Variants in ELAVL2 observed in about 807,000 individuals in gnomAD.
The protein encoded by ELAVL2 is ELAV-like protein 2.
Under a neutral mutation model 34.6 loss-of-function variants are expected in ELAVL2, and 4 were observed. That is an observed-to-expected ratio of 0.12 (90% CI 0.06 to 0.26). The LOEUF is 0.26. Among genes scored for constraint, ELAVL2 ranks in the 10% least tolerant of loss-of-function variants. The pLI is 1.00. For missense variants in ELAVL2, 432 were observed against 442.8 expected (o/e 0.98, Z 0.22); for synonymous variants, 193 against 154.8 (o/e 1.25, Z -1.83).
At chr9:23,808,571 G>T (rs1039575931) in intron 1 of ELAVL2, among the ~76,000 whole-genome samples, 1 of 152,128 alleles carries the variant, frequency 6.6e-6, no homozygotes, top group Non-Finnish European at 1.5e-5. Flanking sequence ...TGCCATTCAT[G>T]TCAGGAGGCC....
chr9:23,785,725 G>GT (rs2059599124), intron 1 of ELAVL2, among the ~76,000 whole-genome samples: 1 of 152,132 alleles, frequency 6.6e-6, no homozygotes, highest in South Asian at 2.1e-4. Context: ...GCATCAATCT[G>GT]TAAACAGGTA....
At chr9:23,798,539 G>A (rs1306192882) in intron 1 of ELAVL2, among the ~76,000 whole-genome samples, 1 of 152,200 alleles carries the variant, frequency 6.6e-6, no homozygotes, top group Non-Finnish European at 1.5e-5. Context: ...CTGGCACAGA[G>A]AAGCAGCCTT....
intron 5 of ELAVL2, among the ~76,000 whole-genome samples, chr9:23,700,534 A>C (rs2036823266): frequency 6.6e-6 from 1 of 152,236 alleles, no homozygotes; most frequent in Non-Finnish European, 1.5e-5. Flanking sequence ...CAGAGAGGTC[A>C]GTAAATTACA....
chr9:23,737,386 T>C (rs1399829372), intron 2 of ELAVL2, among the ~76,000 whole-genome samples: 5 of 152,214 alleles, frequency 3.3e-5, no homozygotes, highest in African/African-American at 1.2e-4. Flanking sequence ...AAGGAAGTCA[T>C]ACGAGTTTTA....
intron 1 of ELAVL2, among the ~76,000 whole-genome samples, chr9:23,820,045 ACAAGGTAGATGCAGGACAGCTTTTC>A (rs2064327645): frequency 6.6e-6 from 1 of 152,140 alleles, no homozygotes; most frequent in Admixed American, 6.5e-5. Context: ...GGTTACTAAG[ACAAGGTAGATGCAGGACAGCTTTTC>A]CACCCGCTCA....
Position 23,705,008 on chromosome 9 carries a change from G to T in ELAVL2, c.397C>A (p.Pro133Thr), listed in dbSNP as rs1414581753. 1.2e-6 allele frequency: 2 copies of T among 1,613,990 alleles called. No homozygotes were observed. The highest frequency in any genetic ancestry group is 4.5e-5 in the East Asian group (2 of 44,876). ...AACTCCTTCTGGGTCATTGTTTTTGGAAGTCCGCTGACATATAAATTTGCA... is the reference window on the plus strand; with the variant it reads ...AACTCCTTCTGGGTCATTGTTTTTGTAAGTCCGCTGACATATAAATTTGCA... ...RDANLYVSGL[P>T]KTMTQKELEQ... The change falls in exon 4 of 7, where the codon CCA (proline) becomes ACA (threonine). Residue 133 changes from proline (P) to threonine (T), a missense_variant. By Grantham distance (38) the Pro-to-Thr change is conservative (BLOSUM62 -1). Transcript: ENST00000397312.
At chr9:23,776,504 A>G (rs2058212735) in intron 1 of ELAVL2, among the ~76,000 whole-genome samples, 1 of 152,262 alleles carries the variant, frequency 6.6e-6, no homozygotes, top group South Asian at 2.1e-4. Flanking sequence ...AAACTCCCCA[A>G]GGCTAGAAAA....
At chr9:23,786,389 A>C (rs1052156098) in intron 1 of ELAVL2, among the ~76,000 whole-genome samples, 11 of 152,202 alleles carry the variant, frequency 7.2e-5, no homozygotes, top group African/African-American at 2.7e-4. Flanking sequence ...TTTACAGGAC[A>C]TGAATGACTT....
At chr9:23,809,525 T>A (rs113821102) in intron 1 of ELAVL2, among the ~76,000 whole-genome samples, 1 of 152,126 alleles carries the variant, frequency 6.6e-6, no homozygotes, top group South Asian at 2.1e-4. Flanking sequence ...TTGCAAAAAT[T>A]TCCCTGTAGA....
intron 1 of ELAVL2, among the ~76,000 whole-genome samples, chr9:23,802,463 A>C (rs2061682597): frequency 1.3e-5 from 2 of 152,126 alleles, no homozygotes; most frequent in Admixed American, 1.3e-4. Flanking sequence ...TCTTACCTCC[A>C]AAGTACTCCA....
chr9:23,720,172 C>T (rs1361388501), intron 3 of ELAVL2, among the ~76,000 whole-genome samples: 1 of 147,976 alleles, frequency 6.8e-6, no homozygotes, highest in Non-Finnish European at 1.5e-5. Context: ...ATAAGACACC[C>T]TTTCACCTTT....
chr9:23,741,123 T>G (rs1377611572), intron 2 of ELAVL2, among the ~76,000 whole-genome samples: 1 of 152,168 alleles, frequency 6.6e-6, no homozygotes, highest in Admixed American at 6.5e-5. Context: ...AACTCTTTAG[T>G]GTGTCAAAAC....
intron 2 of ELAVL2, among the ~76,000 whole-genome samples, chr9:23,759,630 A>C (rs1445208518): frequency 6.6e-6 from 1 of 151,120 alleles, no homozygotes; most frequent in Non-Finnish European, 1.5e-5. Context: ...TACACAATGT[A>C]TATAGCATCA....
chr9:23,779,786 T>G (rs963185720), intron 1 of ELAVL2, among the ~76,000 whole-genome samples: 2 of 151,784 alleles, frequency 1.3e-5, no homozygotes, highest in African/African-American at 4.8e-5. Context: ...CAGGAGAAAC[T>G]ATACTTTTCA....
chr9:23,796,692 G>A lies in ELAVL2; in HGVS notation c.-16+29114C>T, dbSNP rs184647128. ...GACACTATTATTGCCAAATCTATAC[G>A]TAGAGTTAGTTCCCTGCACAAGAAG... On this transcript the variant is annotated intron_variant, in intron 1 of 6. Coordinates refer to ENST00000397312, the MANE Select transcript of ELAVL2 (RefSeq NM_004432.5). Among the ~76,000 whole-genome samples the A allele has an allele frequency of 1.5e-3, 229 of 152,158 alleles. 1 individual carries two copies. The highest frequency in any genetic ancestry group is 0.012 in the Admixed American group (187 of 15,200).
At chr9:23,745,033 C>T (rs150213035) in intron 2 of ELAVL2, among the ~76,000 whole-genome samples, 1 of 152,008 alleles carries the variant, frequency 6.6e-6, no homozygotes, top group Non-Finnish European at 1.5e-5. Flanking sequence ...TAGGGAGAAC[C>T]TGTCTCTACA....
chr9:23,806,551 C>T (rs1015842391), intron 1 of ELAVL2, among the ~76,000 whole-genome samples: 4 of 151,932 alleles, frequency 2.6e-5, no homozygotes, highest in African/African-American at 9.7e-5. Context: ...GCTGGAGGAT[C>T]CCTAAAAGCC....
At chr9:23,754,592 G>T (rs2053072077) in intron 2 of ELAVL2, among the ~76,000 whole-genome samples, 1 of 152,002 alleles carries the variant, frequency 6.6e-6, no homozygotes, top group Admixed American at 6.6e-5. Flanking sequence ...GTGAGTACCT[G>T]GGACTACAGG....
At chr9:23,810,296 G>A (rs2062807385) in intron 1 of ELAVL2, among the ~76,000 whole-genome samples, 1 of 152,074 alleles carries the variant, frequency 6.6e-6, no homozygotes, top group Non-Finnish European at 1.5e-5. Context: ...GCCTCCAGAA[G>A]TCACCCAGTC....
Sources: allele counts gnomAD v4.1 joint callset (sites outside exome capture counted in the v4.1 genomes callset), GRCh38; gene constraint gnomAD v4.1.1; transcripts MANE v1.5; gene names NCBI Gene and HGNC (gene_info 2026-07-23, HGNC 2026-07-21).